The following ZNF804A variants were observed in gnomAD, a reference collection of about 807,000 sequenced individuals.
ZNF804A encodes zinc finger protein 804A.
ZNF804A carries 2 observed loss-of-function variants against 16.5 expected under a neutral mutation model. That is an observed-to-expected ratio of 0.12 (90% CI 0.05 to 0.38). The LOEUF (loss-of-function observed/expected upper bound fraction) is 0.38, where lower values mean the gene tolerates loss of function less well. ZNF804A is among the 10% of genes least tolerant of loss of function. ZNF804A has a pLI of 0.99. For missense variants in ZNF804A, 1,473 were observed against 1,390.7 expected (o/e 1.06, Z -0.94); for synonymous variants, 534 against 489.6 (o/e 1.09, Z -1.20).
intron 1 of ZNF804A, among the ~76,000 whole-genome samples, chr2:184,828,470 A>G (rs572968811): frequency 6.6e-6 from 1 of 151,876 alleles, no homozygotes; most frequent in South Asian, 2.1e-4. Context: ...TTGTAAATAC[A>G]AAGAGCTCTT....
At chr2:184,782,624 G>T (rs72903719) in intron 1 of ZNF804A, among the ~76,000 whole-genome samples, 7,560 of 150,588 alleles carry the variant, frequency 0.05, 251 homozygotes, top group Middle Eastern at 0.079. Context: ...GTGGGACCTT[G>T]TGATTGTGCC....
chr2:184,794,360 C>T (rs994986096), intron 1 of ZNF804A, among the ~76,000 whole-genome samples: 5 of 151,850 alleles, frequency 3.3e-5, no homozygotes, highest in Non-Finnish European at 1.5e-5. Flanking sequence ...GTTGGCCATT[C>T]GTATATCTTG....
chr2:184,742,265 A>T (rs1206944158), intron 1 of ZNF804A, among the ~76,000 whole-genome samples: 2 of 151,952 alleles, frequency 1.3e-5, no homozygotes, highest in African/African-American at 4.8e-5. Flanking sequence ...TCTATTTCTT[A>T]TTATCCATTG....
chr2:184,886,494 C>T (rs11894346), intron 2 of ZNF804A, among the ~76,000 whole-genome samples: 9,386 of 152,256 alleles, frequency 0.062, 978 homozygotes, highest in African/African-American at 0.21. Flanking sequence ...GTAGGGACAC[C>T]GTGTGGGGGC....
intron 1 of ZNF804A, among the ~76,000 whole-genome samples, chr2:184,844,684 T>C (rs1399685415): frequency 6.6e-6 from 1 of 151,960 alleles, no homozygotes; most frequent in East Asian, 1.9e-4. Context: ...TGCTTATGTG[T>C]TTGTTGTTGC....
At chr2:184,705,904 C>T (rs1693023275) in intron 1 of ZNF804A, among the ~76,000 whole-genome samples, 1 of 152,098 alleles carries the variant, frequency 6.6e-6, no homozygotes, top group Admixed American at 6.6e-5. Flanking sequence ...CCTCTGCTAC[C>T]ATGGCACCTT....
At position 184,680,252 on chromosome 2, in the gene ZNF804A, C is replaced by T. The variant is rs774927648; in HGVS notation, c.111+81182C>T. Among the ~76,000 whole-genome samples, 11 of 150,972 alleles carry T rather than the reference C, an allele frequency of 7.3e-5. No individual in the cohort carries two copies. The South Asian group carries it at 1.5e-3, about 20-fold the overall frequency. On this transcript the variant is annotated intron_variant, in intron 1 of 3. Coordinates refer to ENST00000302277, the MANE Select transcript of ZNF804A (RefSeq NM_194250.2). The stretch of plus-strand genomic sequence containing the variant: ...ACCTGCGGAGAAGAGCTACCCACTG[C>T]GGGTCTCCTCTCTGCTGAGAGCTGA...
intron 1 of ZNF804A, among the ~76,000 whole-genome samples, chr2:184,828,774 G>A (rs960793918): frequency 6.6e-6 from 1 of 151,772 alleles, no homozygotes; most frequent in African/African-American, 2.4e-5. Flanking sequence ...TTAGAGCTTA[G>A]TAGCTTGATA....
intron 1 of ZNF804A, among the ~76,000 whole-genome samples, chr2:184,690,205 G>A (rs1402761225): frequency 1.4e-4 from 21 of 145,476 alleles, no homozygotes; most frequent in Non-Finnish European, 3.0e-5. Context: ...AAAAAAAAAA[G>A]TGATATAATA....
At chr2:184,674,917 G>C (rs890435505) in intron 1 of ZNF804A, among the ~76,000 whole-genome samples, 2 of 151,728 alleles carry the variant, frequency 1.3e-5, no homozygotes, top group South Asian at 2.1e-4. Context: ...TCTTCCTAAA[G>C]TTTACTTATT....
chr2:184,932,562 C>T (rs764547761), intron 2 of ZNF804A, among the ~76,000 whole-genome samples: 22 of 152,036 alleles, frequency 1.4e-4, no homozygotes, highest in African/African-American at 4.1e-4. Flanking sequence ...TCGCACCACA[C>T]GTGGGAATTA....
chr2:184,709,115 C>G (rs1693083155), intron 1 of ZNF804A, among the ~76,000 whole-genome samples: 1 of 152,062 alleles, frequency 6.6e-6, no homozygotes. Flanking sequence ...TGTGAAATGA[C>G]CATTAATATT....
chr2:184,602,798 C>T (rs1320558654), intron 1 of ZNF804A, among the ~76,000 whole-genome samples: 2 of 151,948 alleles, frequency 1.3e-5, no homozygotes, highest in African/African-American at 4.8e-5. Flanking sequence ...TGAGGTCACA[C>T]AATGAGTCAA....
At chr2:184,862,403 A>T (rs1015455471) in intron 1 of ZNF804A, among the ~76,000 whole-genome samples, 3 of 152,166 alleles carry the variant, frequency 2.0e-5, no homozygotes, top group African/African-American at 4.8e-5. Context: ...TTACTCTGAT[A>T]ATGTTTTCTA....
At chr2:184,868,864 A>C (rs1328182459) in intron 2 of ZNF804A, among the ~76,000 whole-genome samples, 1 of 152,080 alleles carries the variant, frequency 6.6e-6, no homozygotes, top group African/African-American at 2.4e-5. Context: ...TAATACCTGC[A>C]ACCAAAAAAA....
intron 1 of ZNF804A, among the ~76,000 whole-genome samples, chr2:184,864,386 C>T (rs974440665): frequency 1.3e-5 from 2 of 152,126 alleles, no homozygotes; most frequent in Non-Finnish European, 2.9e-5. Flanking sequence ...ACCCAAACAC[C>T]TCCCATTAGG....
chr2:184,715,682 T>TG (rs1172786484), intron 1 of ZNF804A, among the ~76,000 whole-genome samples: 1 of 152,168 alleles, frequency 6.6e-6, no homozygotes, highest in Non-Finnish European at 1.5e-5. Context: ...ATTATAGGCA[T>TG]GAGCTACTGT....
At chr2:184,614,998 A>G (rs1366096653) in intron 1 of ZNF804A, among the ~76,000 whole-genome samples, 1 of 152,218 alleles carries the variant, frequency 6.6e-6, no homozygotes, top group Non-Finnish European at 1.5e-5. Context: ...AGGATCCAGA[A>G]CCAGAAATAC....
At chr2:184,629,166 A>ACATCTTT (rs1317735687) in intron 1 of ZNF804A, among the ~76,000 whole-genome samples, 9 of 152,116 alleles carry the variant, frequency 5.9e-5, no homozygotes, top group Admixed American at 2.0e-4. Context: ...TATTCATAGT[A>ACATCTTT]TATTCCTTTG....
Sources: allele counts gnomAD v4.1 joint callset (sites outside exome capture counted in the v4.1 genomes callset), GRCh38; gene constraint gnomAD v4.1.1; transcripts MANE v1.5; gene names NCBI Gene and HGNC (gene_info 2026-07-23, HGNC 2026-07-21).